Variants in CERS3 observed in about 807,000 individuals in gnomAD.
CERS3 encodes LAG1 homolog, ceramide synthase 3.
CERS3 carries 33 observed loss-of-function variants against 50.3 expected under a neutral mutation model. The ratio of observed to expected loss-of-function variants is 0.66; its 90% CI spans 0.50 to 0.88. CERS3 has a LOEUF of 0.88. Ranked by LOEUF, CERS3 falls within the 40% of genes least tolerant of loss-of-function variation. CERS3 has a pLI of 0.00. For synonymous variants in CERS3, 176 were observed against 155.2 expected, an observed-to-expected ratio of 1.13 and a Z score of -0.99; for missense variants, 470 against 460.3, an observed-to-expected ratio of 1.02 and a Z score of -0.19.
At chr15:100,510,182 A>T (rs1021550257) in intron 2 of CERS3, among the ~76,000 whole-genome samples, 2 of 152,240 alleles carry the variant, frequency 1.3e-5, no homozygotes, top group African/African-American at 4.8e-5. Context: ...AGACAATGCA[A>T]ATGATAGAAC....
intron 11 of CERS3, chr15:100,426,102 TTTTC>T (rs1194795795): frequency 9.8e-5 from 15 of 152,288 alleles, no homozygotes; most frequent in African/African-American, 2.7e-4. Flanking sequence ...ATTAAACCTA[TTTTC>T]TTTATTTTAA....
chr15:100,435,456 T>A (rs2033354962), intron 11 of CERS3, among the ~76,000 whole-genome samples: 1 of 152,186 alleles, frequency 6.6e-6, no homozygotes, highest in African/African-American at 2.4e-5. Context: ...TCCTTACACC[T>A]TATACAAAAA....
intron 11 of CERS3, among the ~76,000 whole-genome samples, chr15:100,421,350 C>A (rs369918673): frequency 1.3e-3 from 194 of 151,298 alleles, no homozygotes; most frequent in African/African-American, 4.1e-3. Context: ...CAAAGAGAAT[C>A]AAATACCTAG....
At position 100,484,549 on chromosome 15, in the gene CERS3, C is replaced by G; in HGVS notation, c.407+1G>C. ...CCTAAAGCTTGGCCCATCCTCCTTA[C>G]CAAGCTTCCTGGAATTTCTTCAGCC... On this transcript the variant is annotated splice_donor_variant, in intron 5 of 11. Coordinates refer to ENST00000679737, the MANE Select transcript of CERS3 (RefSeq NM_001378789.1). LOFTEE classifies it high-confidence loss of function. The G allele has an allele frequency of 6.2e-7, 1 of 1,607,572 alleles. No individual in the cohort carries two copies. The highest frequency in any genetic ancestry group is 8.5e-7 in the Non-Finnish European group (1 of 1,174,044).
At chr15:100,502,267 A>AAG (rs1555532594) in intron 2 of CERS3, among the ~76,000 whole-genome samples, 1,825 of 109,260 alleles carry the variant, frequency 0.017, 16 homozygotes, top group Non-Finnish European at 0.018. Context: ...AAAAAAAAAA[A>AAG]AAAGAAAGAA....
intron 11 of CERS3, among the ~76,000 whole-genome samples, chr15:100,421,247 A>AAAT (rs2032403909): frequency 1.3e-5 from 2 of 149,794 alleles, no homozygotes; most frequent in Non-Finnish European, 3.0e-5. Flanking sequence ...TCAGGATACA[A>AAAT]AATCAATGTA....
rs540073356 is a variant in CERS3 at position 100,417,371 on chromosome 15, G to C, written c.1000-14506C>G. Among the ~76,000 whole-genome samples, 425 of 152,200 alleles carry C rather than the reference G, an allele frequency of 2.8e-3. 2 individuals are homozygous for C. The highest frequency in any genetic ancestry group is 4.3e-3 in the Non-Finnish European group (290 of 68,024). Reference sequence around the variant, plus strand: ...TCCCACCCTAATACTGCGCTTTTCCGACGGGCTTAAAAAATGGCGCACCAC... The same window carrying C: ...TCCCACCCTAATACTGCGCTTTTCCCACGGGCTTAAAAAATGGCGCACCAC... On this transcript the variant is annotated intron_variant, in intron 11 of 11. Transcript: ENST00000679737.
intron 3 of CERS3, among the ~76,000 whole-genome samples, chr15:100,493,946 A>G (rs893581256): frequency 6.6e-6 from 1 of 151,958 alleles, no homozygotes; most frequent in Non-Finnish European, 1.5e-5. Context: ...TTCTTTGAAC[A>G]TATTTAAAAT....
At chr15:100,460,852 A>T (rs933269344) in intron 10 of CERS3, among the ~76,000 whole-genome samples, 1 of 152,224 alleles carries the variant, frequency 6.6e-6, no homozygotes, top group Non-Finnish European at 1.5e-5. Context: ...AACTAAACAT[A>T]AAATTGCCCA....
chr15:100,437,766 C>T (rs1010646315), intron 11 of CERS3: 1 of 152,092 alleles, frequency 6.6e-6, no homozygotes, highest in East Asian at 1.9e-4. Context: ...TATCATGATC[C>T]CCATTTTACA....
At chr15:100,486,534 G>C (rs539576298) in intron 4 of CERS3, among the ~76,000 whole-genome samples, 1 of 152,326 alleles carries the variant, frequency 6.6e-6, no homozygotes, top group African/African-American at 2.4e-5. Context: ...ACACAGAAAG[G>C]AAACCATGGA....
At chr15:100,456,251 GAAGAAAAGTTA>G (rs2034370390) in intron 10 of CERS3, among the ~76,000 whole-genome samples, 1 of 152,162 alleles carries the variant, frequency 6.6e-6, no homozygotes, top group African/African-American at 2.4e-5. Context: ...CTGTCTTCCT[GAAGAAAAGTTA>G]AAGAAACAGC....
At chr15:100,503,344 C>T (rs1312345794) in intron 2 of CERS3, among the ~76,000 whole-genome samples, 1 of 152,184 alleles carries the variant, frequency 6.6e-6, no homozygotes, top group Admixed American at 6.5e-5. Flanking sequence ...AACAGCTCTT[C>T]CTTCCTTTCA....
intron 1 of CERS3, among the ~76,000 whole-genome samples, chr15:100,538,703 C>T (rs1304745639): frequency 6.6e-6 from 1 of 152,240 alleles, no homozygotes; most frequent in Admixed American, 6.5e-5. Flanking sequence ...ATTGGAGGAG[C>T]TGCTGTTAAG....
chr15:100,490,350 G>C (rs1454322244), intron 4 of CERS3, among the ~76,000 whole-genome samples: 1 of 152,026 alleles, frequency 6.6e-6, no homozygotes, highest in East Asian at 1.9e-4. Context: ...TGAGTATGTT[G>C]AGGCTTTGAA....
intron 11 of CERS3, among the ~76,000 whole-genome samples, chr15:100,416,849 A>T (rs776671951): frequency 6.6e-6 from 1 of 152,202 alleles, no homozygotes; most frequent in Non-Finnish European, 1.5e-5. Flanking sequence ...TAATATCCAA[A>T]ATCTATAAGG....
At chr15:100,497,820 A>C (rs543419748) in intron 3 of CERS3, among the ~76,000 whole-genome samples, 27 of 151,292 alleles carry the variant, frequency 1.8e-4, no homozygotes, top group African/African-American at 6.5e-4. Flanking sequence ...GGACAGACTT[A>C]ATGATTTTTG....
chr15:100,429,982 T>C (rs2033030905), intron 11 of CERS3, among the ~76,000 whole-genome samples: 1 of 151,894 alleles, frequency 6.6e-6, no homozygotes, highest in Non-Finnish European at 1.5e-5. Flanking sequence ...CATAATTCAC[T>C]TGGGCTTCAT....
At chr15:100,418,329 C>A (rs2032128009) in intron 11 of CERS3, among the ~76,000 whole-genome samples, 1 of 151,764 alleles carries the variant, frequency 6.6e-6, no homozygotes, top group Non-Finnish European at 1.5e-5. Flanking sequence ...GAAAGGGTAT[C>A]AGGGATGGAA....
Sources: gnomAD v4.1 joint callset for allele counts (sites outside exome capture counted in the v4.1 genomes callset) on GRCh38, gnomAD v4.1.1 for gene constraint, MANE v1.5 for transcripts, NCBI Gene and HGNC (gene_info 2026-07-23, HGNC 2026-07-21) for gene names.